DNAAF9: variants seen among roughly 807,000 people sequenced by gnomAD.
The protein encoded by DNAAF9 is shulin.
DNAAF9 carries 90 observed loss-of-function variants against 167.0 expected under a neutral mutation model. The observed-to-expected ratio is 0.54, with a 90% CI of 0.45 to 0.64. DNAAF9 has a LOEUF of 0.64. Among genes scored for constraint, DNAAF9 ranks in the 30% least tolerant of loss-of-function variants. The pLI is 0.00. For synonymous variants in DNAAF9, 491 were observed against 508.8 expected, an observed-to-expected ratio of 0.96 and a Z score of 0.47; for missense variants, 1,315 against 1,442.2, an observed-to-expected ratio of 0.91 and a Z score of 1.43.
chr20:3,400,772 T>C (rs112739720), intron 1 of DNAAF9, among the ~76,000 whole-genome samples: 6,161 of 152,278 alleles, frequency 0.04, 177 homozygotes, highest in African/African-American at 0.08. Context: ...ATTGTTAAGA[T>C]ATTGTGTACT....
intron 2 of DNAAF9, 55 bp from the exon 3 acceptor site, chr20:3,381,553 G>C: frequency 2.6e-6 from 4 of 1,557,990 alleles, no homozygotes; most frequent in South Asian, 2.4e-5. Context: ...GAGCAAATGA[G>C]CCAATAATTT....
intron 10 of DNAAF9, among the ~76,000 whole-genome samples, chr20:3,333,788 A>G (rs2069883711): frequency 6.6e-6 from 1 of 152,144 alleles, no homozygotes; most frequent in African/African-American, 2.4e-5. Context: ...TCACTTGTGT[A>G]CACTTGAGTA....
At chr20:3,294,441 A>G in intron 24 of DNAAF9, 87 bp downstream of exon 24, 1 of 921,444 alleles carries the variant, frequency 1.1e-6, no homozygotes, top group Non-Finnish European at 1.7e-6. Context: ...AACTACAAGA[A>G]AAAGGAGCTT....
intron 20 of DNAAF9, among the ~76,000 whole-genome samples, chr20:3,314,104 G>C (rs943834177): frequency 1.3e-5 from 2 of 152,096 alleles, no homozygotes; most frequent in African/African-American, 4.8e-5. Flanking sequence ...CTTTAGTTTC[G>C]TAGGTCCACA....
chr20:3,285,904 C>T (rs533010935), intron 27 of DNAAF9, among the ~76,000 whole-genome samples: 5 of 150,756 alleles, frequency 3.3e-5, no homozygotes, highest in South Asian at 2.1e-4. Context: ...TGCTTGAACT[C>T]GGGAGGTGGA....
At chr20:3,338,449 C>A (rs943143402) in intron 10 of DNAAF9, among the ~76,000 whole-genome samples, 1 of 152,104 alleles carries the variant, frequency 6.6e-6, no homozygotes, top group East Asian at 1.9e-4. Context: ...TAGGCCTACA[C>A]ATAGATATTT....
chr20:3,374,232 G>T, intron 5 of DNAAF9, 78 bp from the exon 6 acceptor site: 1 of 921,422 alleles, frequency 1.1e-6, no homozygotes, highest in Non-Finnish European at 1.7e-6. Flanking sequence ...AACATGGTTA[G>T]ACAGGTATCA....
chr20:3,343,135 T>A (rs1188624375), intron 9 of DNAAF9, among the ~76,000 whole-genome samples: 5 of 152,228 alleles, frequency 3.3e-5, no homozygotes, highest in Non-Finnish European at 7.3e-5. Flanking sequence ...TAAAAATTCC[T>A]TTCTTTAGAT....
At chr20:3,351,515 A>G (rs1428643499) in intron 7 of DNAAF9, among the ~76,000 whole-genome samples, 1 of 152,162 alleles carries the variant, frequency 6.6e-6, no homozygotes, top group African/African-American at 2.4e-5. Flanking sequence ...ACTGATGGCA[A>G]CTATAAGACA....
intron 1 of DNAAF9, among the ~76,000 whole-genome samples, chr20:3,386,335 CAACT>C (rs1179776744): frequency 2.6e-5 from 4 of 152,102 alleles, no homozygotes; most frequent in African/African-American, 9.7e-5. Context: ...CACACAAGTA[CAACT>C]AACTAATTTT....
chr20:3,353,108 G>GAT (rs10687919), intron 7 of DNAAF9, among the ~76,000 whole-genome samples: 30,423 of 148,052 alleles, frequency 0.21, 3,405 homozygotes, highest in African/African-American at 0.28. Context: ...AATATATACA[G>GAT]ATATATATAA....
chr20:3,284,173 CTTTTTTT>C (rs200633758), intron 27 of DNAAF9, among the ~76,000 whole-genome samples: 19 of 118,252 alleles, frequency 1.6e-4, no homozygotes, highest in South Asian at 3.0e-4. Context: ...TTACTAGAGT[CTTTTTTT>C]TTTTTTTTTT....
At chr20:3,312,756 A>G (rs2069437031) in intron 20 of DNAAF9, among the ~76,000 whole-genome samples, 1 of 152,124 alleles carries the variant, frequency 6.6e-6, no homozygotes, top group Admixed American at 6.5e-5. Flanking sequence ...AGCCCCACAA[A>G]ACCTACATCA....
intron 2 of DNAAF9, 83 bp from the exon 3 acceptor site, chr20:3,381,581 C>A: frequency 1.4e-6 from 2 of 1,419,640 alleles, no homozygotes; most frequent in Non-Finnish European, 9.5e-7. Context: ...CTTAGCAAAA[C>A]CCTGATGATC....
At chr20:3,311,253 G>T (rs1435421017) in intron 20 of DNAAF9, among the ~76,000 whole-genome samples, 1 of 152,062 alleles carries the variant, frequency 6.6e-6, no homozygotes, top group African/African-American at 2.4e-5. Flanking sequence ...CCACCCTCCA[G>T]TCTCAGCCTT....
At chr20:3,268,967 G>A (rs1297140860) in intron 30 of DNAAF9, among the ~76,000 whole-genome samples, 2 of 143,394 alleles carry the variant, frequency 1.4e-5, no homozygotes, top group Non-Finnish European at 3.0e-5. Flanking sequence ...GCAGTGGTGC[G>A]GTCTTGGCTC....
rs901093986 is a variant in DNAAF9 at position 3,251,320 on chromosome 20, A to G, written c.*1252T>C. On this transcript the variant is annotated 3_prime_UTR_variant, in exon 37 of 37. Transcript: ENST00000252032. ...TTACTGGAAACTGCTGGTTTTACCT[A>G]TGTGCTTCTTCCTAAGGCATGCAAA... 1.3e-5 allele frequency: 2 copies of G among 151,682 alleles called. No individual in the cohort carries two copies. The highest frequency in any genetic ancestry group is 1.3e-4 in the Admixed American group (2 of 15,206). 9.4% of individuals were successfully genotyped at this position (151,682 alleles called of 1,614,324 possible).
chr20:3,252,531 C>G lies in DNAAF9; in HGVS notation c.*41G>C. 9.1e-7 allele frequency: 1 copy of G among 1,097,452 alleles called. No homozygotes were observed. Among genetic ancestry groups the G allele is most frequent in the Non-Finnish European group, 1.4e-6 (1 of 708,706 alleles). The allele number at this position is 1,097,452 out of a possible 1,614,324, so 68.0% of individuals were successfully genotyped here. A position where few individuals can be genotyped will look rare whatever the true frequency, so the allele number is the denominator to read the frequency against. On this transcript the variant is annotated 3_prime_UTR_variant, in exon 37 of 37. Transcript: ENST00000252032. ...GTTAAGACACCCGTTCGTCCATCTC[C>G]AAGGTGGACATTCTGCAGGACGTAC...
At chr20:3,345,506 G>A (rs778497134) in intron 8 of DNAAF9, among the ~76,000 whole-genome samples, 1 of 152,072 alleles carries the variant, frequency 6.6e-6, no homozygotes, top group Non-Finnish European at 1.5e-5. Context: ...CTGTATAGCT[G>A]GGATTCTAAC....
Sources: gnomAD v4.1 joint callset for allele counts (sites outside exome capture counted in the v4.1 genomes callset) on GRCh38, gnomAD v4.1.1 for gene constraint, MANE v1.5 for transcripts, NCBI Gene and HGNC (gene_info 2026-07-23, HGNC 2026-07-21) for gene names.